The following TINAG variants were observed in gnomAD, a reference collection of about 807,000 sequenced individuals.
TINAG encodes the protein tubulointerstitial nephritis antigen.
A neutral mutation model predicts 72.7 loss-of-function variants in TINAG; 83 were observed. The ratio of observed to expected loss-of-function variants is 1.14; its 90% CI spans 0.96 to 1.37. The LOEUF (loss-of-function observed/expected upper bound fraction) is 1.37, where lower values mean the gene tolerates loss of function less well. TINAG is among the 40% of genes most tolerant of loss of function. The probability of loss-of-function intolerance (pLI) is 0.00; values close to 1 mark genes in which losing one functional copy is unlikely to be tolerated. For missense variants in TINAG, 685 were observed against 576.6 expected (o/e 1.19, Z -1.93); for synonymous variants, 234 against 189.9 (o/e 1.23, Z -1.91).
chr6:54,308,997 T>C (rs148388899), intron 1 of TINAG, 92 bp downstream of exon 1: 1 of 1,097,028 alleles, frequency 9.1e-7, no homozygotes, highest in Non-Finnish European at 1.3e-6. Flanking sequence ...TTTTTTTCCT[T>C]CTTTCAATGA....
chr6:54,347,261 TAC>T (rs1785144225), intron 5 of TINAG, 104 bp from the exon 6 acceptor site: 1 of 1,041,076 alleles, frequency 9.6e-7, no homozygotes, highest in East Asian at 2.7e-5. Flanking sequence ...TTATAAATTA[TAC>T]ACAGTTTTAA....
intron 2 of TINAG, 92 bp from the exon 3 acceptor site, chr6:54,321,205 G>C (rs1462760870): frequency 3.7e-5 from 35 of 955,142 alleles, no homozygotes; most frequent in Non-Finnish European, 5.1e-5. Flanking sequence ...AAGAAATTAT[G>C]TTTTATGCCT....
Position 54,326,879 on chromosome 6 carries a change from C to G in TINAG, c.587C>G (p.Pro196Arg). 6.2e-7 allele frequency: 1 copy of G among 1,612,460 alleles called. No individual in the cohort carries two copies. Among genetic ancestry groups the G allele is most frequent in the East Asian group, 2.2e-5 (1 of 44,812 alleles). ...TTTAAATTTCGCCTTGGCACTTTGC[C>G]ACCTAGTCCCATGCTCCTGAGCATG... is the stretch of plus-strand genomic sequence containing the variant. ...DGFKFRLGTL[P>R]PSPMLLSMNE... The change falls in exon 4 of 11, where the codon CCA becomes CGA. Residue 196 changes from proline to arginine, a missense_variant. Pro to Arg is a moderately radical substitution (Grantham distance 103, BLOSUM62 -2). Transcript: ENST00000259782.
At position 54,351,201 on chromosome 6, in the gene TINAG, C is replaced by T. The variant is rs1053567583; in HGVS notation, c.1081-151C>T. ...ATTAAAACAAATGGGTGCATCTTGT[C>T]TTTAACAATTTCATTAATGTAGCAT... On this transcript the variant is annotated intron_variant, in intron 7 of 10. Transcript: ENST00000259782. The T allele has an allele frequency of 6.3e-6, 4 of 632,100 alleles. No homozygotes were observed. The Admixed American group carries it at 1.0e-4, about 16-fold the overall frequency. 39.2% of individuals were successfully genotyped at this position (632,100 alleles called of 1,614,324 possible). A position where few individuals can be genotyped will look rare whatever the true frequency, so the allele number is the denominator to read the frequency against.
chr6:54,380,177 T>C lies in TINAG; in HGVS notation c.1251-349T>C, dbSNP rs12055413. Among the ~76,000 whole-genome samples, 1,372 of 152,298 alleles carry C rather than the reference T, an allele frequency of 9.0e-3. 28 individuals are homozygous for C. Among genetic ancestry groups the C allele is most frequent in the East Asian group, 0.049 (255 of 5,186 alleles). Reference sequence around the variant, plus strand: ...GCCACATTTTCTTTCCAGTCTATCATTGATGGGCATTTGGGTTAATTTGAA... The same window carrying C: ...GCCACATTTTCTTTCCAGTCTATCACTGATGGGCATTTGGGTTAATTTGAA... On this transcript the variant is annotated intron_variant, in intron 9 of 10. Transcript: ENST00000259782.
chr6:54,376,902 C>A (rs1366217108), intron 9 of TINAG, among the ~76,000 whole-genome samples: 1 of 151,896 alleles, frequency 6.6e-6, no homozygotes, highest in Non-Finnish European at 1.5e-5. Flanking sequence ...AGACGGAAAC[C>A]CAGTCTCAAT....
At chr6:54,385,228 T>A (rs945756218) in intron 10 of TINAG, among the ~76,000 whole-genome samples, 3 of 152,008 alleles carry the variant, frequency 2.0e-5, no homozygotes, top group Admixed American at 6.6e-5. Flanking sequence ...AAAGAGTTGA[T>A]GCTTTGCAAA....
intron 9 of TINAG, among the ~76,000 whole-genome samples, chr6:54,380,191 G>T (rs993759816): frequency 7.2e-5 from 11 of 151,972 alleles, no homozygotes; most frequent in African/African-American, 2.7e-4. Flanking sequence ...TGGGCATTTG[G>T]GTTAATTTGA....
chr6:54,346,707 A>G (rs1027734755), intron 5 of TINAG, among the ~76,000 whole-genome samples: 1 of 151,906 alleles, frequency 6.6e-6, no homozygotes, highest in Non-Finnish European at 1.5e-5. Context: ...GTCTACTAAA[A>G]CAAGATTAAG....
chr6:54,389,498 C>T (rs1764186533), intron 10 of TINAG, among the ~76,000 whole-genome samples: 2 of 152,188 alleles, frequency 1.3e-5, no homozygotes, highest in Admixed American at 6.5e-5. Context: ...AACTCTATAA[C>T]TGCAGCTTGC....
chr6:54,365,918 T>C (rs1763397714), intron 9 of TINAG, among the ~76,000 whole-genome samples: 1 of 151,562 alleles, frequency 6.6e-6, no homozygotes. Flanking sequence ...TAGTACCAGC[T>C]ACTTAGGAAG....
At chr6:54,352,144 T>C (rs1175113205) in intron 8 of TINAG, among the ~76,000 whole-genome samples, 1 of 151,704 alleles carries the variant, frequency 6.6e-6, no homozygotes, top group African/African-American at 2.4e-5. Flanking sequence ...AAAATGAAAA[T>C]TTAGGTTGTG....
At chr6:54,351,463 C>A in intron 8 of TINAG, 66 bp downstream of exon 8, 1 of 1,438,382 alleles carries the variant, frequency 7.0e-7, no homozygotes, top group South Asian at 1.2e-5. Context: ...ACATTGAGCT[C>A]ATGTAATAGG....
chr6:54,316,767 T>C (rs1265050117), intron 1 of TINAG, among the ~76,000 whole-genome samples: 2 of 152,182 alleles, frequency 1.3e-5, no homozygotes, highest in South Asian at 2.1e-4. Context: ...CATCATCTTT[T>C]TGCAGTTCAA....
At chr6:54,379,295 T>A (rs1763874127) in intron 9 of TINAG, among the ~76,000 whole-genome samples, 1 of 152,228 alleles carries the variant, frequency 6.6e-6, no homozygotes, top group African/African-American at 2.4e-5. Flanking sequence ...ACTTGGAGCC[T>A]TGGCTCAACA....
At chr6:54,347,603 C>CA (rs1055422608) in intron 6 of TINAG, 86 bp downstream of exon 6, 6 of 1,375,846 alleles carry the variant, frequency 4.4e-6, no homozygotes, top group Admixed American at 2.5e-5. Context: ...AAGATTTTTA[C>CA]AAAAAAGTAC....
intron 3 of TINAG, among the ~76,000 whole-genome samples, chr6:54,323,144 G>A (rs370184781): frequency 1.3e-5 from 2 of 152,126 alleles, no homozygotes; most frequent in Non-Finnish European, 2.9e-5. Flanking sequence ...CATGCCCTAC[G>A]GCTGCTTAAG....
chr6:54,327,755 C>A (rs1409203345), intron 4 of TINAG, among the ~76,000 whole-genome samples: 1 of 152,110 alleles, frequency 6.6e-6, no homozygotes, highest in Admixed American at 6.6e-5. Context: ...CTGGGACACT[C>A]GAGCGTGGTG....
At chr6:54,322,256 C>G (rs955339973) in intron 3 of TINAG, among the ~76,000 whole-genome samples, 8 of 151,746 alleles carry the variant, frequency 5.3e-5, no homozygotes, top group African/African-American at 1.9e-4. Context: ...TGCAGTGAGC[C>G]GAGATTGCGC....
Sources: allele counts gnomAD v4.1 joint callset (sites outside exome capture counted in the v4.1 genomes callset), GRCh38; gene constraint gnomAD v4.1.1; transcripts MANE v1.5; gene names NCBI Gene and HGNC (gene_info 2026-07-23, HGNC 2026-07-21).